Variants in PCDH15 observed in about 807,000 individuals in gnomAD.
PCDH15 encodes protocadherin-15.
PCDH15 carries 129 observed loss-of-function variants against 178.5 expected under a neutral mutation model. The ratio of observed to expected loss-of-function variants is 0.72; its 90% confidence interval spans 0.63 to 0.84. PCDH15 has a LOEUF of 0.84. Among genes scored for constraint, PCDH15 ranks in the 40% least tolerant of loss-of-function variants. The pLI is 0.00. For synonymous variants in PCDH15, 800 were observed against 732.0 expected, an observed-to-expected ratio of 1.09 and a Z score of -1.50; for missense variants, 2,230 against 2,099.9, an observed-to-expected ratio of 1.06 and a Z score of -1.21.
intron 2 of PCDH15, among the ~76,000 whole-genome samples, chr10:54,644,769 C>T (rs1473094265): frequency 6.6e-6 from 1 of 152,138 alleles, no homozygotes; most frequent in East Asian, 1.9e-4. Context: ...GAAACTTAAA[C>T]ATCAATGCAA....
intron 1 of PCDH15, among the ~76,000 whole-genome samples, chr10:55,210,815 G>T (rs1302223117): frequency 6.6e-6 from 1 of 151,108 alleles, no homozygotes; most frequent in Admixed American, 6.6e-5. Flanking sequence ...TTTTAATAGA[G>T]ATGGGATTTC....
intron 1 of PCDH15, among the ~76,000 whole-genome samples, chr10:55,198,226 T>C (rs1483477351): frequency 2.6e-5 from 4 of 152,132 alleles, no homozygotes. Context: ...GTTTAAGTAG[T>C]TCTACTGAGT....
chr10:54,266,798 T>A (rs1329218875), intron 8 of PCDH15, among the ~76,000 whole-genome samples: 1 of 151,508 alleles, frequency 6.6e-6, no homozygotes, highest in Non-Finnish European at 1.5e-5. Context: ...CAGAATTGAA[T>A]AAGTAATAGA....
intron 2 of PCDH15, among the ~76,000 whole-genome samples, chr10:55,058,237 G>T (rs1388078003): frequency 6.6e-6 from 1 of 151,836 alleles, no homozygotes; most frequent in African/African-American, 2.4e-5. Context: ...TTGAGACAGG[G>T]TCTTTCTCTG....
intron 1 of PCDH15, among the ~76,000 whole-genome samples, chr10:54,719,058 T>TA: frequency 6.6e-6 from 1 of 151,724 alleles, no homozygotes; most frequent in Admixed American, 6.6e-5. Context: ...CATGAAAAAT[T>TA]AAAAATATTG....
chr10:54,680,569 C>A (rs996118405), intron 1 of PCDH15, among the ~76,000 whole-genome samples: 1 of 152,040 alleles, frequency 6.6e-6, no homozygotes, highest in African/African-American at 2.4e-5. Context: ...CCACCCAAAT[C>A]TCACCTTGAA....
intron 1 of PCDH15, among the ~76,000 whole-genome samples, chr10:55,194,827 A>G (rs1241431859): frequency 6.6e-6 from 1 of 152,024 alleles, no homozygotes; most frequent in Non-Finnish European, 1.5e-5. Flanking sequence ...GAAGTAAAAA[A>G]AAAAAATCAA....
intron 3 of PCDH15, among the ~76,000 whole-genome samples, chr10:54,390,300 T>C (rs1950396906): frequency 6.6e-6 from 1 of 151,976 alleles, no homozygotes; most frequent in African/African-American, 2.4e-5. Flanking sequence ...TTTGTTTTGT[T>C]TTGTTTTGTT....
chr10:54,965,687 A>AT (rs77769809), intron 2 of PCDH15, among the ~76,000 whole-genome samples: 9 of 148,186 alleles, frequency 6.1e-5, no homozygotes, highest in African/African-American at 9.9e-5. Context: ...AGCCACATTA[A>AT]TTTTTTTTCA....
chr10:55,062,060 A>C (rs1463682298), intron 2 of PCDH15, among the ~76,000 whole-genome samples: 1 of 152,162 alleles, frequency 6.6e-6, no homozygotes, highest in African/African-American at 2.4e-5. Context: ...GATAAAAAAG[A>C]AATTAGCTAC....
chr10:55,473,930 T>C (rs906891991), intron 2 of PCDH15, among the ~76,000 whole-genome samples: 1 of 152,208 alleles, frequency 6.6e-6, no homozygotes, highest in South Asian at 2.1e-4. Flanking sequence ...TTGTTAAACC[T>C]ATTTAAGTAA....
intron 1 of PCDH15, among the ~76,000 whole-genome samples, chr10:54,726,441 T>G (rs1171721186): frequency 3.8e-5 from 4 of 105,312 alleles, no homozygotes; most frequent in South Asian, 3.3e-4. Flanking sequence ...TGTGTGTGTG[T>G]GTGTGTGTGT....
rs145896328 is a variant in PCDH15 at position 54,932,501 on chromosome 10, A to G, written c.-79-35001T>C. Among the ~76,000 whole-genome samples the G allele has an allele frequency of 1.3e-3, 205 of 152,320 alleles. 1 individual carries two copies. The highest frequency in any genetic ancestry group is 4.7e-3 in the African/African-American group (196 of 41,578). On this transcript the variant is annotated intron_variant, in intron 2 of 5. Coordinates refer to the PCDH15 transcript ENST00000458638. ...GAAAAAGTTATAATATGCTAAGGTTAATTTATTATTGAAAAGGCAATTTTA... is the reference window on the plus strand; with the variant it reads ...GAAAAAGTTATAATATGCTAAGGTTGATTTATTATTGAAAAGGCAATTTTA...
At chr10:53,869,397 G>C (rs1001697079) in intron 26 of PCDH15, among the ~76,000 whole-genome samples, 1 of 152,122 alleles carries the variant, frequency 6.6e-6, no homozygotes, top group Non-Finnish European at 1.5e-5. Context: ...CAAAGTCTGA[G>C]TCAAGGTATC....
At chr10:55,506,283 T>A (rs1422381092) in intron 2 of PCDH15, 1 of 151,470 alleles carries the variant, frequency 6.6e-6, no homozygotes, top group African/African-American at 2.4e-5. Flanking sequence ...GAAATCTGCT[T>A]GTTGTAAGTA....
intron 2 of PCDH15, among the ~76,000 whole-genome samples, chr10:55,069,205 T>G (rs1365920698): frequency 6.6e-6 from 1 of 151,660 alleles, no homozygotes; most frequent in East Asian, 1.9e-4. Context: ...CCAGACTGTA[T>G]TATCTTTTTG....
intron 1 of PCDH15, among the ~76,000 whole-genome samples, chr10:55,217,274 A>T (rs1331307794): frequency 6.6e-6 from 1 of 151,942 alleles, no homozygotes; most frequent in African/African-American, 2.4e-5. Context: ...ATATCAATAG[A>T]TAGGGAAAAT....
chr10:55,504,898 T>A (rs572320336), intron 2 of PCDH15, among the ~76,000 whole-genome samples: 1 of 151,516 alleles, frequency 6.6e-6, no homozygotes, highest in East Asian at 1.9e-4. Flanking sequence ...AAAATTCAAA[T>A]CAAAATATGC....
At chr10:53,954,511 C>A (rs1490832175) in intron 23 of PCDH15, among the ~76,000 whole-genome samples, 1 of 152,166 alleles carries the variant, frequency 6.6e-6, no homozygotes, top group Admixed American at 6.5e-5. Flanking sequence ...TGATCAAGGT[C>A]TTCACAATGC....
Sources: allele counts gnomAD v4.1 joint callset (sites outside exome capture counted in the v4.1 genomes callset), GRCh38; gene constraint gnomAD v4.1.1; transcripts MANE v1.5; gene names NCBI Gene and HGNC (gene_info 2026-07-23, HGNC 2026-07-21).